PAK1IP1: variants seen among roughly 807,000 people sequenced by gnomAD.
PAK1IP1 encodes the protein p21-activated protein kinase-interacting protein 1.
A neutral mutation model predicts 42.0 loss-of-function variants in PAK1IP1; 24 were observed. The ratio of observed to expected loss-of-function variants is 0.57; its 90% CI spans 0.41 to 0.80. PAK1IP1 has a LOEUF of 0.80. Ranked by LOEUF, PAK1IP1 falls within the 30% of genes least tolerant of loss-of-function variation. PAK1IP1 has a pLI of 0.00. For synonymous variants in PAK1IP1, 154 were observed against 156.7 expected (o/e 0.98, Z 0.13); for missense variants, 411 against 467.9 (o/e 0.88, Z 1.12).
In PAK1IP1 at chr6:10,702,561, A is replaced by G. The variant is rs776171921; in HGVS notation, c.369-4A>G. 2.5e-6 allele frequency: 4 copies of G among 1,614,016 alleles called. No individual in the cohort carries two copies. The highest frequency in any genetic ancestry group is 2.2e-5 in the South Asian group (2 of 91,076). ...TTGGGGACTAACTTTTGGTTTCATT[A>G]TAGAGGACAGGTGACCTTCCTTTCT... On this transcript the variant is annotated splice_polypyrimidine_tract_variant and splice_region_variant and intron_variant, in intron 3 of 9. Transcript: ENST00000379568.
chr6:10,692,998 A>G (rs984560815), upstream of PAK1IP1, among the ~76,000 whole-genome samples: 1 of 152,272 alleles, frequency 6.6e-6, no homozygotes, highest in African/African-American at 2.4e-5. Context: ...GTTAAAGAAT[A>G]AATCATAAAT....
intron 2 of PAK1IP1, among the ~76,000 whole-genome samples, chr6:10,700,822 T>C (rs1431763995): frequency 6.6e-6 from 1 of 152,128 alleles, no homozygotes; most frequent in African/African-American, 2.4e-5. Context: ...TTCTTTTTTC[T>C]TTTTTTCCTT....
chr6:10,694,592 GCCC>G, upstream of PAK1IP1: 15 of 180,818 alleles, frequency 8.3e-5, no homozygotes, highest in South Asian at 1.9e-4. Flanking sequence ...CGGCGCTACA[GCCC>G]CTAAGCAACC....
intron 1 of PAK1IP1, among the ~76,000 whole-genome samples, chr6:10,696,189 A>G (rs1315185695): frequency 6.6e-6 from 1 of 152,118 alleles, no homozygotes; most frequent in Non-Finnish European, 1.5e-5. Context: ...GAAACTCTTA[A>G]CCATTACCCT....
At chr6:10,705,710 T>G (rs1770182630) in intron 7 of PAK1IP1, among the ~76,000 whole-genome samples, 1 of 152,248 alleles carries the variant, frequency 6.6e-6, no homozygotes, top group Admixed American at 6.5e-5. Flanking sequence ...TATCTGACTC[T>G]TATATCCCTG....
upstream of PAK1IP1, chr6:10,694,950 G>A (rs368645069): frequency 2.2e-6 from 3 of 1,386,186 alleles, no homozygotes; most frequent in South Asian, 2.3e-5. Flanking sequence ...CCTCCAGGCT[G>A]AGCCGGGCTG....
intron 5 of PAK1IP1, among the ~76,000 whole-genome samples, chr6:10,703,880 T>G (rs1395661279): frequency 6.6e-6 from 1 of 152,224 alleles, no homozygotes; most frequent in Non-Finnish European, 1.5e-5. Flanking sequence ...TGTTACACAT[T>G]TATTTCCCTG....
At chr6:10,701,441 C>T (rs1040839932) in intron 2 of PAK1IP1, among the ~76,000 whole-genome samples, 1 of 152,200 alleles carries the variant, frequency 6.6e-6, no homozygotes, top group Non-Finnish European at 1.5e-5. Context: ...CCATCCACAT[C>T]CCTGCAAAGG....
At chr6:10,692,439 T>C (rs1202521433), upstream of PAK1IP1, among the ~76,000 whole-genome samples, 1 of 152,156 alleles carries the variant, frequency 6.6e-6, no homozygotes, top group Non-Finnish European at 1.5e-5. Flanking sequence ...TAGCACAAAG[T>C]AAAGAAAGAA....
In PAK1IP1 at chr6:10,702,732, C is replaced by T. The variant is rs1770067818; in HGVS notation, c.443+93C>T. 11 of 905,000 alleles carry T rather than the reference C, an allele frequency of 1.2e-5. No individual in the cohort carries two copies. In the Admixed American group the frequency reaches 2.0e-4, roughly 17 times the overall value. The allele number at this position is 905,000 out of a possible 1,614,324, so 56.1% of individuals were successfully genotyped here. The stretch of plus-strand genomic sequence containing the variant: ...AAATACTGTTATACAAGGGAAAGGT[C>T]AAAAGCTGGTGAACCTTTTCATAGT... On this transcript the variant is annotated intron_variant, in intron 4 of 9. Transcript: ENST00000379568.
chr6:10,694,607 G>GA, upstream of PAK1IP1: 1 of 197,422 alleles, frequency 5.1e-6, no homozygotes. Flanking sequence ...TAAGCAACCG[G>GA]CCGGAAGTCG....
At chr6:10,698,246 A>G (rs1192616677) in intron 2 of PAK1IP1, among the ~76,000 whole-genome samples, 1 of 152,116 alleles carries the variant, frequency 6.6e-6, no homozygotes, top group Admixed American at 6.5e-5. Flanking sequence ...TTGAGGGCAT[A>G]TTATGTACCC....
chr6:10,702,306 A>G, intron 2 of PAK1IP1, 63 bp from the exon 3 acceptor site: 1 of 1,408,612 alleles, frequency 7.1e-7, no homozygotes, highest in Non-Finnish European at 1.0e-6. Flanking sequence ...ATAGCCTTCA[A>G]ATCAGAAATG....
At chr6:10,694,598 AAGCAACCG>A, upstream of PAK1IP1, 2 of 172,164 alleles carry the variant, frequency 1.2e-5, no homozygotes, top group Non-Finnish European at 2.5e-5. Context: ...TACAGCCCCT[AAGCAACCG>A]GCCGGAAGTC....
At chr6:10,694,607 GCC>G, upstream of PAK1IP1, 1 of 197,422 alleles carries the variant, frequency 5.1e-6, no homozygotes, top group South Asian at 7.3e-5. Context: ...TAAGCAACCG[GCC>G]GGAAGTCGGC....
chr6:10,709,082 C>T lies in PAK1IP1; in HGVS notation c.964+6C>T, dbSNP rs372776912. 24 of 1,606,862 alleles carry T rather than the reference C, an allele frequency of 1.5e-5. No individual in the cohort carries two copies. The highest frequency in any genetic ancestry group is 1.8e-5 in the Non-Finnish European group (21 of 1,177,652). On this transcript the variant is annotated splice_donor_region_variant and intron_variant, in intron 9 of 9. Transcript: ENST00000379568. ...AGCTGCAGAGCCTTCTCCTGGTAAT[C>T]GAATTTGATTGTTTTGAAATTTTGA...
At chr6:10,707,011 G>A (rs1770223217) in intron 7 of PAK1IP1, among the ~76,000 whole-genome samples, 1 of 152,194 alleles carries the variant, frequency 6.6e-6, no homozygotes, top group Non-Finnish European at 1.5e-5. Flanking sequence ...TAGACTAACA[G>A]TGGTGGGACT....
At position 10,709,002 on chromosome 6, in the gene PAK1IP1, C is replaced by G. The variant is rs759587941; in HGVS notation, c.890C>G (p.Thr297Arg). 1.2e-6 allele frequency: 2 copies of G among 1,611,482 alleles called. No individual in the cohort carries two copies. The highest frequency in any genetic ancestry group is 8.5e-7 in the Non-Finnish European group (1 of 1,177,632). Residue 297 changes from threonine (T) to arginine (R), a missense_variant, in exon 9 of 10, where the codon ACG becomes AGG. Thr to Arg is a moderately conservative substitution (Grantham distance 71). Transcript: ENST00000379568. The stretch of plus-strand genomic sequence containing the variant: ...GAAATAAACACTAATGCCAGGCTGA[C>G]GTGTCTTGGAGTGTGGCTAGACAAA... ...LCEINTNARL[T>R]CLGVWLDKVA...
At chr6:10,708,289 G>A (rs1423318049) in intron 8 of PAK1IP1, among the ~76,000 whole-genome samples, 1 of 146,084 alleles carries the variant, frequency 6.8e-6, no homozygotes, top group Non-Finnish European at 1.5e-5. Flanking sequence ...ATCACACAAC[G>A]TTTGGCCTTT....
Sources: gnomAD v4.1 joint callset for allele counts (sites outside exome capture counted in the v4.1 genomes callset) on GRCh38, gnomAD v4.1.1 for gene constraint, MANE v1.5 for transcripts, NCBI Gene and HGNC (gene_info 2026-07-23, HGNC 2026-07-21) for gene names.